The following TMPRSS11B variants were observed in gnomAD, a reference collection of about 807,000 sequenced individuals.
TMPRSS11B encodes transmembrane serine protease 11B.
TMPRSS11B carries 53 observed loss-of-function variants against 44.7 expected under a neutral mutation model. The ratio of observed to expected loss-of-function variants is 1.19; its 90% CI spans 0.95 to 1.49. The LOEUF is 1.49. Among genes scored for constraint, TMPRSS11B ranks in the 40% most tolerant of loss-of-function variants. TMPRSS11B has a pLI of 0.00. For missense variants in TMPRSS11B, 526 were observed against 494.8 expected, an observed-to-expected ratio of 1.06 and a Z score of -0.60; for synonymous variants, 140 against 159.2, an observed-to-expected ratio of 0.88 and a Z score of 0.91.
intron 4 of TMPRSS11B, among the ~76,000 whole-genome samples, chr4:68,235,610 T>G (rs1449793401): frequency 6.6e-6 from 1 of 152,140 alleles, no homozygotes; most frequent in Non-Finnish European, 1.5e-5. Context: ...AAATAGGATG[T>G]TTTTAGGGAA....
intron 7 of TMPRSS11B, among the ~76,000 whole-genome samples, chr4:68,230,594 A>G (rs1719480060): frequency 6.6e-6 from 1 of 152,206 alleles, no homozygotes; most frequent in African/African-American, 2.4e-5. Context: ...ACTTAAGGTC[A>G]GGAGTTCGAG....
Position 68,242,320 on chromosome 4 carries a change from T to TA in TMPRSS11B, c.9-517dup, listed in dbSNP as rs1560445608. Among the ~76,000 whole-genome samples the TA allele has an allele frequency of 2.7e-4, 18 of 67,872 alleles. 1 individual carries two copies. The highest frequency in any genetic ancestry group is 1.2e-3 in the African/African-American group (17 of 13,812). The allele number at this position is 67,872 out of a possible 152,430, so 44.5% of individuals were successfully genotyped here. ...ATAATATAATATATATAATATTATA[T>TA]ATATAATATTATATTATATATATAT... is the stretch of plus-strand genomic sequence containing the variant. On this transcript the variant is annotated intron_variant, in intron 1 of 9. Coordinates refer to ENST00000332644, the MANE Select transcript of TMPRSS11B (RefSeq NM_182502.3).
chr4:68,232,107 T>C (rs193218371), intron 6 of TMPRSS11B: 1 of 232,934 alleles, frequency 4.3e-6, no homozygotes, highest in Admixed American at 5.6e-5. Context: ...TTTCTCATTT[T>C]AACATATTCA....
At chr4:68,237,111 C>G (rs183694752) in intron 2 of TMPRSS11B, among the ~76,000 whole-genome samples, 40 of 152,000 alleles carry the variant, frequency 2.6e-4, no homozygotes, top group African/African-American at 9.4e-4. Context: ...CCCTGCCAAC[C>G]CTGGTGTGTG....
At position 68,234,443 on chromosome 4, in the gene TMPRSS11B, A is replaced by G; in HGVS notation, c.469+20T>C. Reference sequence around the variant, plus strand: ...AGAAAAAACCTATGTAATAGAAAATAATGGAAATAAGTCAAATACCCATGA... The same window carrying G: ...AGAAAAAACCTATGTAATAGAAAATGATGGAAATAAGTCAAATACCCATGA... On this transcript the variant is annotated intron_variant, in intron 5 of 9. Transcript: ENST00000332644. The G allele has an allele frequency of 1.3e-6, 2 of 1,597,510 alleles. No homozygotes were observed. The highest frequency in any genetic ancestry group is 1.7e-6 in the Non-Finnish European group (2 of 1,174,456).
rs1261190760 is a variant in TMPRSS11B, at chr4:68,231,282, G to T, written c.607C>A (p.Gln203Lys). The T allele has an allele frequency of 1.9e-6, 3 of 1,613,886 alleles. No individual in the cohort carries two copies. Among genetic ancestry groups the T allele is most frequent in the Non-Finnish European group, 2.5e-6 (3 of 1,179,960 alleles). The change falls in exon 7 of 10, where the codon CAA becomes AAA. Residue 203 changes from glutamine (Q) to lysine (K), a missense_variant. Transcript: ENST00000332644. ...CCACAGTAGTGACGGCCTTTCCATT[G>T]CATGCTGGCCTGCCATGGCCATGCC... ...EGAWPWQASM[Q>K]WKGRHYCGAS...
chr4:68,245,457 T>A, intron 1 of TMPRSS11B, 94 bp downstream of exon 1: 3 of 1,350,450 alleles, frequency 2.2e-6, no homozygotes, highest in Non-Finnish European at 3.2e-6. Context: ...AAAACTAAAT[T>A]ATAAAAACAG....
At chr4:68,243,578 TATC>T (rs1218725577) in intron 1 of TMPRSS11B, among the ~76,000 whole-genome samples, 1 of 152,172 alleles carries the variant, frequency 6.6e-6, no homozygotes, top group Non-Finnish European at 1.5e-5. Context: ...TGTTGTTTAA[TATC>T]AGCCTCACAG....
chr4:68,233,001 C>T (rs1008869638), intron 5 of TMPRSS11B, among the ~76,000 whole-genome samples: 1 of 152,078 alleles, frequency 6.6e-6, no homozygotes, highest in African/African-American at 2.4e-5. Flanking sequence ...GCCCATCCTG[C>T]TCTTTAGGGA....
At chr4:68,235,903 T>C in intron 4 of TMPRSS11B, 99 bp downstream of exon 4, 2 of 599,166 alleles carry the variant, frequency 3.3e-6, no homozygotes, top group Non-Finnish European at 2.7e-6. Flanking sequence ...TCTCTTTTTC[T>C]TTATGTTTGT....
chr4:68,231,101 A>C lies in TMPRSS11B; in HGVS notation c.686+102T>G, dbSNP rs535585608. The C allele has an allele frequency of 6.7e-5, 67 of 997,510 alleles. No homozygotes were observed. The African/African-American group carries it at 1.0e-3, about 15-fold the overall frequency. 61.8% of individuals were successfully genotyped at this position (997,510 alleles called of 1,614,324 possible). On this transcript the variant is annotated intron_variant, in intron 7 of 9. Transcript: ENST00000332644. ...AATGTTCTATGTGATTGTAAATTTCATATGGCCTTGGTGAACCTTGACACA... is the reference window on the plus strand; with the variant it reads ...AATGTTCTATGTGATTGTAAATTTCCTATGGCCTTGGTGAACCTTGACACA...
intron 1 of TMPRSS11B, among the ~76,000 whole-genome samples, chr4:68,242,367 T>C (rs1326762162): frequency 3.3e-5 from 2 of 60,940 alleles, no homozygotes; most frequent in Admixed American, 2.6e-4. Context: ...TTATATTATA[T>C]ATAATATTAT....
At chr4:68,237,329 A>G (rs555685649) in intron 2 of TMPRSS11B, among the ~76,000 whole-genome samples, 2 of 152,208 alleles carry the variant, frequency 1.3e-5, no homozygotes, top group South Asian at 4.1e-4. Flanking sequence ...TTCTTTACCC[A>G]GTCTATCATT....
chr4:68,239,311 C>G (rs1160671186), intron 2 of TMPRSS11B, among the ~76,000 whole-genome samples: 5 of 152,188 alleles, frequency 3.3e-5, no homozygotes, highest in Admixed American at 3.3e-4. Context: ...CTCTCTCTCT[C>G]TTTCTCACTC....
chr4:68,233,712 AT>A (rs1437743359), intron 5 of TMPRSS11B, among the ~76,000 whole-genome samples: 1 of 151,902 alleles, frequency 6.6e-6, no homozygotes, highest in Non-Finnish European at 1.5e-5. Context: ...TTTCCAGACA[AT>A]TTTTTTCTTT....
intron 2 of TMPRSS11B, among the ~76,000 whole-genome samples, chr4:68,236,710 A>G (rs1442153947): frequency 6.6e-6 from 1 of 152,142 alleles, no homozygotes; most frequent in Non-Finnish European, 1.5e-5. Flanking sequence ...ACTAGATATA[A>G]AACATCTTTT....
chr4:68,226,705 A>G lies in TMPRSS11B; in HGVS notation c.*1206T>C, dbSNP rs1018280682. 7 of 152,194 alleles carry G rather than the reference A, an allele frequency of 4.6e-5. No individual in the cohort carries two copies. The highest frequency in any genetic ancestry group is 1.0e-4 in the Non-Finnish European group (7 of 68,038). The allele number at this position is 152,194 out of a possible 1,614,324, so 9.4% of individuals were successfully genotyped here. On this transcript the variant is annotated 3_prime_UTR_variant, in exon 10 of 10. Coordinates refer to ENST00000332644, the MANE Select transcript of TMPRSS11B (RefSeq NM_182502.3). The stretch of plus-strand genomic sequence containing the variant: ...TTTTAATGCCTTTAAGTTTTTGGTG[A>G]CTTTTACATTTGGAAAATTACATAA...
intron 2 of TMPRSS11B, 88 bp from the exon 3 acceptor site, chr4:68,236,354 C>A: frequency 1.3e-6 from 1 of 782,878 alleles, no homozygotes; most frequent in East Asian, 2.7e-5. Flanking sequence ...AACATTCCAC[C>A]CAGCTTTAGA....
rs1348403342 is a variant in TMPRSS11B, at chr4:68,245,615, G to A, written c.-57C>T. 1.3e-6 allele frequency: 2 copies of A among 1,583,488 alleles called. No individual in the cohort carries two copies. The highest frequency in any genetic ancestry group is 1.1e-5 in the South Asian group (1 of 89,928). ...TAACGGTGGTAATGATGATGACGAA[G>A]ATAACGATAACGATGACAATGCTGG... On this transcript the variant is annotated 5_prime_UTR_variant, in exon 1 of 10. Coordinates refer to ENST00000332644, the MANE Select transcript of TMPRSS11B (RefSeq NM_182502.3).
Sources: allele counts gnomAD v4.1 joint callset (sites outside exome capture counted in the v4.1 genomes callset), GRCh38; gene constraint gnomAD v4.1.1; transcripts MANE v1.5; gene names NCBI Gene and HGNC (gene_info 2026-07-23, HGNC 2026-07-21).